PAPOLG: variants seen among roughly 807,000 people sequenced by gnomAD.
PAPOLG encodes the protein poly(A) polymerase gamma.
Under a neutral mutation model 99.0 loss-of-function variants are expected in PAPOLG, and 40 were observed. That is an observed-to-expected ratio of 0.40 (90% CI 0.31 to 0.53). The LOEUF is 0.53. Among genes scored for constraint, PAPOLG ranks in the 20% least tolerant of loss-of-function variants. PAPOLG has a pLI of 0.41. For missense variants in PAPOLG, 675 were observed against 884.1 expected (o/e 0.76, Z 3.00); for synonymous variants, 310 against 299.3 (o/e 1.04, Z -0.37).
At position 60,768,912 on chromosome 2, in the gene PAPOLG, A is replaced by C. The variant is rs144046128; in HGVS notation, c.438+22A>C. ...AAGAGTAAGTATCCTCTGGCATTTAATATTTTGAATTTAGATTAGTAACAA... is the reference window on the plus strand; with the variant it reads ...AAGAGTAAGTATCCTCTGGCATTTACTATTTTGAATTTAGATTAGTAACAA... On this transcript the variant is annotated intron_variant, in intron 5 of 21. Transcript: ENST00000238714. The C allele has an allele frequency of 1.4e-3, 2,047 of 1,507,750 alleles. 6 individuals carry two copies. Among genetic ancestry groups the C allele is most frequent in the Non-Finnish European group, 1.6e-3 (1,802 of 1,115,306 alleles). 93.4% of individuals were successfully genotyped at this position (1,507,750 alleles called of 1,614,324 possible). A position where few individuals can be genotyped will look rare whatever the true frequency, so the allele number is the denominator to read the frequency against.
At chr2:60,763,432 G>A (rs1670580792) in intron 3 of PAPOLG, among the ~76,000 whole-genome samples, 1 of 152,016 alleles carries the variant, frequency 6.6e-6, no homozygotes, top group Non-Finnish European at 1.5e-5. Context: ...TTTTTTATCT[G>A]TGTGTGATTG....
rs988595311 is a variant in PAPOLG, at chr2:60,795,297, T to C, written c.2112+277T>C. The stretch of plus-strand genomic sequence containing the variant: ...TGTTTTTTATCTTTAAAGAAGCAGT[T>C]GGATGCTCAGCACATTAATTTCTTA... On this transcript the variant is annotated intron_variant, in intron 21 of 21. Transcript: ENST00000238714. The C allele has an allele frequency of 7.8e-5, 44 of 562,652 alleles. No individual in the cohort carries two copies. In the Admixed American group the frequency reaches 9.7e-4, roughly 12 times the overall value. The allele number at this position is 562,652 out of a possible 1,614,324, so 34.9% of individuals were successfully genotyped here. A position where few individuals can be genotyped will look rare whatever the true frequency, so the allele number is the denominator to read the frequency against.
At chr2:60,773,128 T>C (rs951728058) in intron 7 of PAPOLG, among the ~76,000 whole-genome samples, 12 of 152,294 alleles carry the variant, frequency 7.9e-5, no homozygotes, top group African/African-American at 2.6e-4. Flanking sequence ...GGTTTCTCCA[T>C]GTTGGTCAGG....
At position 60,768,844 on chromosome 2, in the gene PAPOLG, C is replaced by CT. The variant is rs1221757758; in HGVS notation, c.399dup (p.Glu134Ter). On this transcript the variant is annotated frameshift_variant, in exon 5 of 22. Coordinates refer to ENST00000238714, the MANE Select transcript of PAPOLG (RefSeq NM_022894.4). LOFTEE classifies it high-confidence loss of function. ...GTGGAAAGATCTGATTTTTTTCAGT[C>CT]TTTTTTTGAAAAATTGAAACATCAA... The CT allele has an allele frequency of 1.2e-6, 2 of 1,601,814 alleles. No homozygotes were observed. The highest frequency in any genetic ancestry group is 3.4e-5 in the Admixed American group (2 of 58,564).
intron 9 of PAPOLG, 82 bp downstream of exon 9, chr2:60,779,857 T>C (rs1264532754): frequency 8.3e-7 from 1 of 1,209,742 alleles, no homozygotes; most frequent in African/African-American, 1.5e-5. Context: ...GAGCTATACA[T>C]AGACTTTTTC....
At chr2:60,775,238 A>C in intron 8 of PAPOLG, 115 bp downstream of exon 8, 1 of 1,228,162 alleles carries the variant, frequency 8.1e-7, no homozygotes, top group Admixed American at 2.9e-5. Flanking sequence ...GTTAAGGGCC[A>C]ATAAACTCTG....
intron 12 of PAPOLG, 144 bp from the exon 13 acceptor site, chr2:60,783,012 C>T: frequency 1.1e-6 from 1 of 900,516 alleles, no homozygotes; most frequent in Non-Finnish European, 1.6e-6. Flanking sequence ...TTGTGAAAAT[C>T]AGAGCACATT....
chr2:60,756,668 C>T (rs555068073), intron 1 of PAPOLG, among the ~76,000 whole-genome samples, 173 bp downstream of exon 1: 12 of 152,214 alleles, frequency 7.9e-5, no homozygotes, highest in Non-Finnish European at 4.4e-5. Flanking sequence ...AACCCGGCGG[C>T]TCACCTGGCC....
intron 1 of PAPOLG, among the ~76,000 whole-genome samples, 199 bp downstream of exon 1, chr2:60,756,694 CG>C (rs1397826859): frequency 1.3e-5 from 2 of 152,118 alleles, no homozygotes; most frequent in African/African-American, 2.4e-5. Flanking sequence ...TGCACGGACT[CG>C]GGGACTCCGG....
At chr2:60,783,558 T>C (rs1225752456) in intron 13 of PAPOLG, among the ~76,000 whole-genome samples, 1 of 130,536 alleles carries the variant, frequency 7.7e-6, no homozygotes, top group Non-Finnish European at 1.6e-5. Flanking sequence ...TCACCCAGAC[T>C]GGAGTGTAGT....
At position 60,771,772 on chromosome 2, in the gene PAPOLG, A is replaced by G. The variant is rs1486922511; in HGVS notation, c.604+142A>G. ...TTCCTTATACAGATAATGTGACCAC[A>G]TTTAAGAATCCTAAAAACCACAAAT... On this transcript the variant is annotated intron_variant, in intron 7 of 21. Coordinates refer to ENST00000238714, the MANE Select transcript of PAPOLG (RefSeq NM_022894.4). 4 of 885,672 alleles carry G rather than the reference A, an allele frequency of 4.5e-6. No individual in the cohort carries two copies. In the Admixed American group the frequency reaches 1.4e-4, roughly 31 times the overall value. The allele number at this position is 885,672 out of a possible 1,614,324, so 54.9% of individuals were successfully genotyped here. A position where few individuals can be genotyped will look rare whatever the true frequency, so the allele number is the denominator to read the frequency against.
intron 3 of PAPOLG, among the ~76,000 whole-genome samples, chr2:60,765,938 ACT>A (rs930313008): frequency 8.4e-4 from 128 of 152,098 alleles, no homozygotes; most frequent in African/African-American, 3.0e-3. Context: ...ACATAACAAG[ACT>A]CTGTCTCTTT....
At chr2:60,774,012 C>A (rs553269956) in intron 7 of PAPOLG, among the ~76,000 whole-genome samples, 2 of 152,282 alleles carry the variant, frequency 1.3e-5, no homozygotes, top group Non-Finnish European at 2.9e-5. Flanking sequence ...TGTTCTTTCC[C>A]CACCTTTATT....
In PAPOLG at chr2:60,757,905, G is replaced by A. The variant is rs1381302233; in HGVS notation, c.17+1410G>A. Among the ~76,000 whole-genome samples the A allele has an allele frequency of 3.3e-5, 5 of 152,228 alleles. No homozygotes were observed. In the East Asian group the frequency reaches 7.7e-4, roughly 23 times the overall value. The stretch of plus-strand genomic sequence containing the variant: ...GAATTTTAGGGCCAGTAGGCTAGTT[G>A]GCCAACTTTGTCAGCATACAGGTAA... On this transcript the variant is annotated intron_variant, in intron 1 of 21. Transcript: ENST00000238714.
intron 1 of PAPOLG, among the ~76,000 whole-genome samples, chr2:60,758,298 GATAA>G (rs1670411247): frequency 7.6e-6 from 1 of 132,208 alleles, no homozygotes; most frequent in South Asian, 2.5e-4. Flanking sequence ...AAATACAGAA[GATAA>G]ATTAACCAGT....
At chr2:60,758,877 G>T (rs917911020) in intron 1 of PAPOLG, among the ~76,000 whole-genome samples, 1 of 152,188 alleles carries the variant, frequency 6.6e-6, no homozygotes, top group Non-Finnish European at 1.5e-5. Flanking sequence ...CAACTTGAAA[G>T]ATTGTTTCTA....
chr2:60,762,539 C>G (rs545345428), intron 3 of PAPOLG, among the ~76,000 whole-genome samples: 1 of 152,130 alleles, frequency 6.6e-6, no homozygotes, highest in South Asian at 2.1e-4. Flanking sequence ...TACTTTCAGT[C>G]ATTTCTAGAT....
intron 21 of PAPOLG, among the ~76,000 whole-genome samples, chr2:60,795,794 A>G (rs1487479168): frequency 6.6e-6 from 1 of 152,152 alleles, no homozygotes; most frequent in Non-Finnish European, 1.5e-5. Context: ...GCAAAATAGT[A>G]TACTCACAGG....
At chr2:60,783,860 G>A (rs866940607) in intron 13 of PAPOLG, among the ~76,000 whole-genome samples, 2 of 152,180 alleles carry the variant, frequency 1.3e-5, no homozygotes, top group Non-Finnish European at 1.5e-5. Flanking sequence ...AGGGACATGA[G>A]CAAAAGACAC....
Sources: gnomAD v4.1 joint callset for allele counts (sites outside exome capture counted in the v4.1 genomes callset) on GRCh38, gnomAD v4.1.1 for gene constraint, MANE v1.5 for transcripts, NCBI Gene and HGNC (gene_info 2026-07-23, HGNC 2026-07-21) for gene names.